The following ZFAND1 variants were observed in gnomAD, a reference collection of about 807,000 sequenced individuals.
The protein encoded by ZFAND1 is zinc finger AN1-type containing 1.
Under a neutral mutation model 38.5 loss-of-function variants are expected in ZFAND1, and 40 were observed. The observed-to-expected ratio is 1.04, with a 90% CI of 0.81 to 1.35. ZFAND1 has a LOEUF of 1.35. Among genes scored for constraint, ZFAND1 ranks in the 40% most tolerant of loss-of-function variants. The pLI, the probability that ZFAND1 is intolerant of heterozygous loss-of-function variation, is 0.00. For missense variants in ZFAND1, 346 were observed against 316.3 expected, an observed-to-expected ratio of 1.09 and a Z score of -0.71; for synonymous variants, 117 against 103.6, an observed-to-expected ratio of 1.13 and a Z score of -0.78.
At chr8:81,713,636 G>A (rs1053948558) in intron 6 of ZFAND1, among the ~76,000 whole-genome samples, 3 of 151,836 alleles carry the variant, frequency 2.0e-5, no homozygotes, top group Non-Finnish European at 2.9e-5. Flanking sequence ...AAAAAAATCC[G>A]AATTTTGTTG....
chr8:81,705,110 T>C (rs1401861982), intron 6 of ZFAND1, among the ~76,000 whole-genome samples: 1 of 152,132 alleles, frequency 6.6e-6, no homozygotes, highest in Non-Finnish European at 1.5e-5. Context: ...GAGATAAGTA[T>C]AAAGCTCCTG....
chr8:81,704,999 C>G (rs1485695759), intron 6 of ZFAND1, among the ~76,000 whole-genome samples: 1 of 151,594 alleles, frequency 6.6e-6, no homozygotes, highest in African/African-American at 2.4e-5. Context: ...AAAAATGAAA[C>G]AGAAATGCAA....
At chr8:81,711,433 A>G (rs1808138719) in intron 6 of ZFAND1, among the ~76,000 whole-genome samples, 1 of 152,162 alleles carries the variant, frequency 6.6e-6, no homozygotes, top group Non-Finnish European at 1.5e-5. Context: ...AAACGAAAAT[A>G]AAATCAATAA....
At chr8:81,716,038 T>C (rs1221308577) in intron 3 of ZFAND1, among the ~76,000 whole-genome samples, 1 of 152,252 alleles carries the variant, frequency 6.6e-6, no homozygotes, top group African/African-American at 2.4e-5. Context: ...CAAATTTTCC[T>C]CAAATAGATC....
At chr8:81,714,297 C>A in intron 5 of ZFAND1, 1 of 347,076 alleles carries the variant, frequency 2.9e-6, no homozygotes. Context: ...TAACCTAAAG[C>A]AGTCATTAAT....
intron 3 of ZFAND1, 110 bp from the exon 4 acceptor site, chr8:81,715,224 C>T: frequency 1.9e-6 from 2 of 1,069,000 alleles, no homozygotes; most frequent in Non-Finnish European, 2.7e-6. Flanking sequence ...CTTATTAGAG[C>T]AAGTTACTTA....
At chr8:81,707,698 C>CA in intron 6 of ZFAND1, among the ~76,000 whole-genome samples, 1 of 151,990 alleles carries the variant, frequency 6.6e-6, no homozygotes, top group Non-Finnish European at 1.5e-5. Context: ...GCTATTGCAC[C>CA]AAATCAATTT....
rs777025406 is a variant in ZFAND1 at position 81,715,067 on chromosome 8, G to GT, written c.185dup (p.Tyr62Ter). The GT allele has an allele frequency of 2.5e-6, 4 of 1,613,890 alleles. No individual in the cohort carries two copies. In the African/African-American group the frequency reaches 5.3e-5, roughly 22 times the overall value. The change falls in exon 4 of 8, where the codon TAC becomes TAAC. Residue 62 changes from tyrosine (Y) to a stop codon, truncating the protein, a stop_gained and frameshift_variant. Coordinates refer to ENST00000220669, the MANE Select transcript of ZFAND1 (RefSeq NM_024699.3). LOFTEE classifies it high-confidence loss of function. ...ERLKTDQHTSYPCSFKDCAER... is the reference protein window; with the variant it reads ...ERLKTDQHTS ...CAGCACAGTCTTTGAAAGAGCATGG[G>GT]TAAGATGTATGTTGATCTGTCTTCA...
chr8:81,707,600 G>A (rs989293022), intron 6 of ZFAND1, among the ~76,000 whole-genome samples: 1 of 151,840 alleles, frequency 6.6e-6, no homozygotes, highest in African/African-American at 2.4e-5. Context: ...ACATTCAGAT[G>A]GATTAACAAA....
rs1807817458 is a variant in ZFAND1, at chr8:81,701,719, A to G, written c.*976T>C. 1 of 152,240 alleles carries G rather than the reference A, an allele frequency of 6.6e-6. No individual in the cohort carries two copies. Among genetic ancestry groups the G allele is most frequent in the Non-Finnish European group, 1.5e-5 (1 of 68,040 alleles). 9.4% of individuals were successfully genotyped at this position (152,240 alleles called of 1,614,324 possible). ...TGAAGAATTAGAAAGGAAATAAACCAAATGAGCATTCCAAATTTATTCCTT... is the reference window on the plus strand; with the variant it reads ...TGAAGAATTAGAAAGGAAATAAACCGAATGAGCATTCCAAATTTATTCCTT... On this transcript the variant is annotated 3_prime_UTR_variant, in exon 8 of 8. Coordinates refer to ENST00000220669, the MANE Select transcript of ZFAND1 (RefSeq NM_024699.3).
chr8:81,714,004 T>C lies in ZFAND1; in HGVS notation c.394A>G (p.Lys132Glu). 6.2e-7 allele frequency: 1 copy of C among 1,612,316 alleles called. No homozygotes were observed. The highest frequency in any genetic ancestry group is 8.5e-7 in the Non-Finnish European group (1 of 1,179,574). Reference sequence around the variant, plus strand: ...GCTGTTTCACTATTTTTGGCACCTTTCCATCGTTTACTTGCTGTTTCTCCT... The same window carrying C: ...GCTGTTTCACTATTTTTGGCACCTTCCCATCGTTTACTTGCTGTTTCTCCT... Reference protein sequence around the residue: ...KTGETASKRWKGAKNSETAAK... With the variant: ...KTGETASKRWEGAKNSETAAK... Residue 132 changes from lysine to glutamate, a missense_variant, in exon 6 of 8, where the codon AAA becomes GAA. By Grantham distance (56) the Lys-to-Glu change is moderately conservative (BLOSUM62 1). Transcript: ENST00000220669.
intron 1 of ZFAND1, 99 bp downstream of exon 1, chr8:81,721,128 C>G: frequency 6.9e-7 from 1 of 1,440,470 alleles, no homozygotes; most frequent in Non-Finnish European, 9.4e-7. Flanking sequence ...CCCTGCCCAG[C>G]CTTGTGGCCT....
At chr8:81,708,647 G>T in intron 6 of ZFAND1, 1 of 576,770 alleles carries the variant, frequency 1.7e-6, no homozygotes, top group Non-Finnish European at 2.2e-6. Flanking sequence ...AAGCAATTAT[G>T]AAATATCTTT....
intron 6 of ZFAND1, among the ~76,000 whole-genome samples, chr8:81,704,121 G>C (rs1807898756): frequency 6.9e-6 from 1 of 145,890 alleles, no homozygotes; most frequent in South Asian, 2.2e-4. Flanking sequence ...AAAAAAAAAA[G>C]AGATAGAAAA....
At chr8:81,718,106 T>C in intron 2 of ZFAND1, 76 bp downstream of exon 2, 1 of 1,198,576 alleles carries the variant, frequency 8.3e-7, no homozygotes, top group Non-Finnish European at 1.2e-6. Flanking sequence ...TTTTAAATCA[T>C]TCTACTTTTC....
intron 6 of ZFAND1, among the ~76,000 whole-genome samples, chr8:81,711,647 AG>A (rs1380780455): frequency 6.6e-6 from 1 of 152,238 alleles, no homozygotes; most frequent in East Asian, 1.9e-4. Context: ...AAGAAGGAAA[AG>A]TACAAATGAA....
intron 3 of ZFAND1, among the ~76,000 whole-genome samples, 152 bp downstream of exon 3, chr8:81,717,094 AAAT>A (rs1808338660): frequency 6.6e-6 from 1 of 152,246 alleles, no homozygotes; most frequent in African/African-American, 2.4e-5. Context: ...AAACAAAGAA[AAAT>A]AATATAAATG....
chr8:81,719,231 G>A (rs1365121842), intron 1 of ZFAND1, among the ~76,000 whole-genome samples: 1 of 151,894 alleles, frequency 6.6e-6, no homozygotes, highest in Admixed American at 6.6e-5. Context: ...CACTTTGGGA[G>A]GCCGAGGGGG....
chr8:81,712,636 A>G (rs1668594429), intron 6 of ZFAND1, among the ~76,000 whole-genome samples: 1 of 152,192 alleles, frequency 6.6e-6, no homozygotes, highest in Non-Finnish European at 1.5e-5. Flanking sequence ...AAAGAGCCTA[A>G]GAATAAAACT....
Sources: gnomAD v4.1 joint callset for allele counts (sites outside exome capture counted in the v4.1 genomes callset) on GRCh38, gnomAD v4.1.1 for gene constraint, MANE v1.5 for transcripts, NCBI Gene and HGNC (gene_info 2026-07-23, HGNC 2026-07-21) for gene names.